DYNC1H1: variants seen among roughly 807,000 people sequenced by gnomAD.
The protein encoded by DYNC1H1 is cytoplasmic dynein 1 heavy chain 1.
Under a neutral mutation model 527.1 loss-of-function variants are expected in DYNC1H1, and 51 were observed. The ratio of observed to expected loss-of-function variants is 0.10; its 90% CI spans 0.08 to 0.12. DYNC1H1 has a LOEUF of 0.12. Among genes scored for constraint, DYNC1H1 ranks in the 10% least tolerant of loss-of-function variants. The pLI is 1.00. For missense variants in DYNC1H1, 2,771 were observed against 5,971.8 expected, an observed-to-expected ratio of 0.46 and a Z score of 17.66; for synonymous variants, 2,189 against 2,278.8, an observed-to-expected ratio of 0.96 and a Z score of 1.12.
In DYNC1H1 at chr14:102,036,547, A is replaced by G. The variant is rs1288527198; in HGVS notation, c.10813A>G (p.Lys3605Glu). The G allele has an allele frequency of 6.2e-7, 1 of 1,614,172 alleles. No individual in the cohort carries two copies. Among genetic ancestry groups the G allele is most frequent in the Admixed American group, 1.7e-5 (1 of 60,024 alleles). Residue 3605 changes from lysine to glutamate, a missense_variant, in exon 57 of 78, where the codon AAG becomes GAG. Physicochemically the swap from Lys to Glu is moderately conservative, Grantham distance 56 (BLOSUM62 1). Coordinates refer to ENST00000360184, the MANE Select transcript of DYNC1H1 (RefSeq NM_001376.5). This position sits in a 1 kb window ranked among gnomAD's most constrained non-coding sequence, Gnocchi z 5.6. ...CACAGAATTCATTATGAATGAATAT[A>G]AGGATCGTAAGATCACACGGACCAG... The part of the protein sequence containing the change: ...QATEFIMNEY[K>E]DRKITRTSFL...
Position 102,036,429 on chromosome 14 carries a change from G to C in DYNC1H1, c.10755-60G>C, listed in dbSNP as rs1026772568. The C allele has an allele frequency of 5.6e-6, 9 of 1,607,246 alleles. No homozygotes were observed. The highest frequency in any genetic ancestry group is 6.0e-6 in the Non-Finnish European group (7 of 1,176,294). ...TCTCTCATCAGGGACTCGGCTAACCGTGATCCTGTGCTTTCCCCATTCGGT... is the reference window on the plus strand; with the variant it reads ...TCTCTCATCAGGGACTCGGCTAACCCTGATCCTGTGCTTTCCCCATTCGGT... On this transcript the variant is annotated intron_variant, in intron 56 of 77. Transcript: ENST00000360184. The surrounding 1 kb of genome is among the most constrained non-coding windows in gnomAD (Gnocchi z 5.6).
chr14:102,009,851 C>T lies in DYNC1H1; in HGVS notation c.5986C>T (p.Pro1996Ser). The change falls in exon 30 of 78, where the codon CCC (proline) becomes TCC (serine). Residue 1996 changes from proline to serine, a missense_variant. Pro to Ser is a moderately conservative substitution (Grantham distance 74). Around this residue, in one of 32 missense-constraint regions of DYNC1H1, gnomAD observed 39 missense variants for 38.8 expected, o/e 1.00. Coordinates refer to ENST00000360184, the MANE Select transcript of DYNC1H1 (RefSeq NM_001376.5). Reference protein sequence around the residue: ...SNPNYDKTSAPITCELLNKQV... With the variant: ...SNPNYDKTSASITCELLNKQV... Reference sequence around the variant, plus strand: ...TATCATCTCATTCTCAGCCTCTGCCCCCATTACTTGTGAGCTGCTGAACAA... The same window carrying T: ...TATCATCTCATTCTCAGCCTCTGCCTCCATTACTTGTGAGCTGCTGAACAA... 1 of 1,614,062 alleles carries T rather than the reference C, an allele frequency of 6.2e-7. No individual in the cohort carries two copies.
chr14:101,984,932 CAAAAA>C (rs773102943), intron 7 of DYNC1H1, among the ~76,000 whole-genome samples: 2 of 40,164 alleles, frequency 5.0e-5, no homozygotes, highest in East Asian at 7.6e-4. Flanking sequence ...GGCTCCGTCT[CAAAAA>C]AAAAAAAAAA....
Position 102,027,722 on chromosome 14 carries a change from A to G in DYNC1H1, c.9152A>G (p.Tyr3051Cys). The G allele has an allele frequency of 6.2e-7, 1 of 1,614,170 alleles. No homozygotes were observed. The highest frequency in any genetic ancestry group is 8.5e-7 in the Non-Finnish European group (1 of 1,180,030). The change falls in exon 47 of 78, where the codon TAC becomes TGC. Residue 3051 changes from tyrosine (Y) to cysteine (C), a missense_variant. Around this residue, in one of 32 missense-constraint regions of DYNC1H1, gnomAD observed 84 missense variants for 285.4 expected, o/e 0.29. Transcript: ENST00000360184. This position sits in a 1 kb window ranked among gnomAD's most constrained non-coding sequence, Gnocchi z 7.7. The part of the protein sequence containing the change: ...GLMLDSHEEL[Y>C]KWFTSQVIRN... ...ATGCTGGACTCGCACGAGGAGCTCT[A>G]CAAGTGGTTCACTAGCCAGGTTATC... is the stretch of plus-strand genomic sequence containing the variant.
Position 102,039,266 on chromosome 14 carries a change from G to T in DYNC1H1, c.11460+12G>T. Reference sequence around the variant, plus strand: ...AGTCCCTCAAGCAGGTGGGTGCCTTGGCCATGCAGAGACTGGCGGGCCCCG... The same window carrying T: ...AGTCCCTCAAGCAGGTGGGTGCCTTTGCCATGCAGAGACTGGCGGGCCCCG... On this transcript the variant is annotated intron_variant, in intron 60 of 77. Coordinates refer to ENST00000360184, the MANE Select transcript of DYNC1H1 (RefSeq NM_001376.5). The surrounding 1 kb of genome is among the most constrained non-coding windows in gnomAD (Gnocchi z 7.0). The T allele has an allele frequency of 6.2e-7, 1 of 1,613,150 alleles. No homozygotes were observed. The highest frequency in any genetic ancestry group is 8.5e-7 in the Non-Finnish European group (1 of 1,180,016).
rs1442965290 is a variant in DYNC1H1, at chr14:101,987,585, C to T, written c.2671C>T (p.His891Tyr). 1 of 1,614,162 alleles carries T rather than the reference C, an allele frequency of 6.2e-7. No homozygotes were observed. Among genetic ancestry groups the T allele is most frequent in the South Asian group, 1.1e-5 (1 of 91,088 alleles). The change falls in exon 9 of 78, where the codon CAC (histidine) becomes TAC (tyrosine). Residue 891 changes from histidine to tyrosine, a missense_variant. Physicochemically the swap from His to Tyr is moderately conservative, Grantham distance 83. Around this residue, in one of 32 missense-constraint regions of DYNC1H1, gnomAD observed 179 missense variants for 349.4 expected, o/e 0.51. Coordinates refer to ENST00000360184, the MANE Select transcript of DYNC1H1 (RefSeq NM_001376.5). ...GAAAGCAGTGGATGACTTAAATCTG[C>T]ACTCCTATTCCAATTTGCCCATCTG... Reference protein sequence around the residue: ...VQKAVDDLNLHSYSNLPIWVN... With the variant: ...VQKAVDDLNLYSYSNLPIWVN...
At position 102,011,343 on chromosome 14, in the gene DYNC1H1, G is replaced by GA. The variant is rs2048256478; in HGVS notation, c.6618+396dup. 2.8e-6 allele frequency: 1 copy of GA among 357,590 alleles called. No individual in the cohort carries two copies. 22.2% of individuals were successfully genotyped at this position (357,590 alleles called of 1,614,324 possible). On this transcript the variant is annotated intron_variant, in intron 32 of 77. Transcript: ENST00000360184. The surrounding 1 kb of genome is among the most constrained non-coding windows in gnomAD (Gnocchi z 5.3). ...TCCTTCCTCTATGTGATTCATTTAA[G>GA]AAAAAGTTTATTGTTTACACAAGCT...
intron 34 of DYNC1H1, among the ~76,000 whole-genome samples, chr14:102,013,487 A>G (rs1567011455): frequency 6.8e-6 from 1 of 148,118 alleles, no homozygotes; most frequent in Non-Finnish European, 1.5e-5. Context: ...TGGGCAAAGG[A>G]ACACACAGCA....
chr14:102,009,154 A>C (rs747243217), intron 29 of DYNC1H1, among the ~76,000 whole-genome samples: 1 of 152,182 alleles, frequency 6.6e-6, no homozygotes, highest in African/African-American at 2.4e-5. Flanking sequence ...GTTCAACACA[A>C]AGTCCCAGCA....
rs941024213 is a variant in DYNC1H1 at position 102,032,547 on chromosome 14, A to G, written c.10079+80A>G. ...CCAGGCACGGTGGCTCACGCCTCCA[A>G]TCCCAGAACTTTCGGCTGTTCAGGC... On this transcript the variant is annotated intron_variant, in intron 52 of 77. Transcript: ENST00000360184. 5 of 1,572,992 alleles carry G rather than the reference A, an allele frequency of 3.2e-6. No individual in the cohort carries two copies. In the African/African-American group the frequency reaches 4.0e-5, roughly 13 times the overall value.
Position 102,044,894 on chromosome 14 carries a change from G to C in DYNC1H1, c.13006+196G>C. 1 of 633,844 alleles carries C rather than the reference G, an allele frequency of 1.6e-6. No homozygotes were observed. The highest frequency in any genetic ancestry group is 2.8e-6 in the Non-Finnish European group (1 of 362,080). The allele number at this position is 633,844 out of a possible 1,614,324, so 39.3% of individuals were successfully genotyped here. On this transcript the variant is annotated intron_variant, in intron 72 of 77. Coordinates refer to ENST00000360184, the MANE Select transcript of DYNC1H1 (RefSeq NM_001376.5). This position sits in a 1 kb window ranked among gnomAD's most constrained non-coding sequence, Gnocchi z 7.1. ...GCTGCTCCTAGCTCCACTCCGAGGG[G>C]AGGCAGAGGAAAGAACTGGCTCTTC...
At chr14:102,013,469 A>T (rs2048283304) in intron 34 of DYNC1H1, among the ~76,000 whole-genome samples, 1 of 151,710 alleles carries the variant, frequency 6.6e-6, no homozygotes, top group African/African-American at 2.4e-5. Flanking sequence ...CAAGTCTCCC[A>T]AGTATTCTGG....
At position 102,033,475 on chromosome 14, in the gene DYNC1H1, C is replaced by G; in HGVS notation, c.10404C>G (p.Val3468=). 1.9e-6 allele frequency: 3 copies of G among 1,614,068 alleles called. No homozygotes were observed. The Middle Eastern group carries it at 4.9e-4, about 266-fold the overall frequency. Residue 3468 remains valine (V), a synonymous_variant, in exon 54 of 78, where the codon GTC becomes GTG. Coordinates refer to ENST00000360184, the MANE Select transcript of DYNC1H1 (RefSeq NM_001376.5). This position sits in a 1 kb window ranked among gnomAD's most constrained non-coding sequence, Gnocchi z 5.6. ...CCATCAAGGCAGACCTGGCAGCTGT[C>G]GAGGCAAAAGTAAGATTATCATCAT... ...AQAIKADLAA[V]EAKVNRSTAL... is the part of the protein sequence containing the mutation.
Position 102,001,720 on chromosome 14 carries a change from T to A in DYNC1H1, c.4542+39T>A. ...GGAAGCTTTCCCTCCCCACCAGTGG[T>A]CTCCCACGCTTTCACTGTAATGCCT... is the stretch of plus-strand genomic sequence containing the variant. On this transcript the variant is annotated intron_variant, in intron 21 of 77. Transcript: ENST00000360184. This position sits in a 1 kb window ranked among gnomAD's most constrained non-coding sequence, Gnocchi z 5.0. The A allele has an allele frequency of 6.2e-7, 1 of 1,613,044 alleles. No homozygotes were observed. Among genetic ancestry groups the A allele is most frequent in the African/African-American group, 1.3e-5 (1 of 75,008 alleles).
Position 102,012,340 on chromosome 14 carries a change from T to G in DYNC1H1, c.6884T>G (p.Leu2295Arg), listed in dbSNP as rs1422291997. Residue 2295 changes from leucine to arginine, a missense_variant, in exon 34 of 78, where the codon CTG (leucine) becomes CGG (arginine). Transcript: ENST00000360184. The surrounding 1 kb of genome is among the most constrained non-coding windows in gnomAD (Gnocchi z 4.9). ...ATCATCGACAGCGTGAGAGGCGAGC[T>G]GCAGAAGCGCCAGTGGATCGTCTTC... Reference protein sequence around the residue: ...RKIIDSVRGELQKRQWIVFDG... With the variant: ...RKIIDSVRGERQKRQWIVFDG... 4.3e-6 allele frequency: 7 copies of G among 1,614,144 alleles called. No homozygotes were observed. Among genetic ancestry groups the G allele is most frequent in the African/African-American group, 2.7e-5 (2 of 74,938 alleles).
chr14:102,008,227 G>C lies in DYNC1H1; in HGVS notation c.5867G>C (p.Cys1956Ser). The C allele has an allele frequency of 6.2e-7, 1 of 1,614,200 alleles. No individual in the cohort carries two copies. Among genetic ancestry groups the C allele is most frequent in the Non-Finnish European group, 8.5e-7 (1 of 1,180,034 alleles). Residue 1956 changes from cysteine to serine, a missense_variant, in exon 29 of 78, where the codon TGC becomes TCC. This residue lies in a region of DYNC1H1 where 22 missense variants were observed against 109.5 expected (regional missense o/e 0.20). Transcript: ENST00000360184. ...VGLCQVGAWG[C>S]FDEFNRLEER... ...CTTTGCCAGGTGGGTGCCTGGGGCT[G>C]CTTTGACGAGTTCAACCGCCTGGAG...
At chr14:101,966,051 G>A (rs1007909720) in intron 1 of DYNC1H1, among the ~76,000 whole-genome samples, 7 of 152,238 alleles carry the variant, frequency 4.6e-5, no homozygotes, top group African/African-American at 1.7e-4. Flanking sequence ...GATGTCCAAG[G>A]TTAGCCTCTA....
At chr14:102,032,882 C>T in intron 52 of DYNC1H1, 183 bp from the exon 53 acceptor site, 1 of 653,496 alleles carries the variant, frequency 1.5e-6, no homozygotes, top group East Asian at 2.7e-5. Flanking sequence ...AAAAATTGTT[C>T]AAGTGTTGAG....
At chr14:101,993,470 T>C (rs1373526250) in intron 11 of DYNC1H1, among the ~76,000 whole-genome samples, 1 of 152,126 alleles carries the variant, frequency 6.6e-6, no homozygotes. Flanking sequence ...GTGTAATGTG[T>C]TGCTTATTAT....
Sources: gnomAD v4.1 joint callset for allele counts (sites outside exome capture counted in the v4.1 genomes callset) on GRCh38, gnomAD v4.1.1 for gene constraint, gnomAD v4.1.1 regional missense constraint, Gnocchi (gnomAD v3.1) non-coding constraint, MANE v1.5 for transcripts, NCBI Gene and HGNC (gene_info 2026-07-23, HGNC 2026-07-21) for gene names.